Variants in MORC4 observed in about 807,000 individuals in gnomAD.
MORC4 encodes MORC family CW-type zinc finger protein 4.
In MORC4, 22 loss-of-function variants were observed where a neutral mutation model predicts 65.5. The ratio of observed to expected loss-of-function variants is 0.34; its 90% CI spans 0.24 to 0.48. The LOEUF is 0.48. Ranked by LOEUF, MORC4 falls within the 20% of genes least tolerant of loss-of-function variation. MORC4 has a pLI of 0.99. For missense variants in MORC4, 624 were observed against 703.0 expected, an observed-to-expected ratio of 0.89 and a Z score of 1.27; for synonymous variants, 267 against 255.8, an observed-to-expected ratio of 1.04 and a Z score of -0.42.
chrX:106,949,469 T>C (rs1402185753), intron 14 of MORC4, among the ~76,000 whole-genome samples: 1 of 112,362 alleles, frequency 8.9e-6, no homozygotes, highest in African/African-American at 3.2e-5. Context: ...TTCATAATTT[T>C]TGTTGACAAC....
intron 9 of MORC4, among the ~76,000 whole-genome samples, chrX:106,972,344 A>T (rs1934536714): frequency 9.0e-6 from 1 of 111,038 alleles, no homozygotes. Context: ...GAGGGATAAC[A>T]TTAGGAGAAA....
At chrX:106,969,937 A>T (rs1319457151) in intron 9 of MORC4, among the ~76,000 whole-genome samples, 1 of 111,910 alleles carries the variant, frequency 8.9e-6, no homozygotes, top group Non-Finnish European at 1.9e-5. Context: ...AAACTATTCC[A>T]ATCAATAGAA....
At chrX:106,978,798 C>G (rs931098438) in intron 7 of MORC4, among the ~76,000 whole-genome samples, 3 of 111,722 alleles carry the variant, frequency 2.7e-5, no homozygotes, top group African/African-American at 9.7e-5. Context: ...CAATACAAAT[C>G]TGTACAATTA....
intron 14 of MORC4, among the ~76,000 whole-genome samples, chrX:106,954,697 C>A (rs756196460): frequency 8.9e-6 from 1 of 112,217 alleles, no homozygotes; most frequent in Admixed American, 9.4e-5. Context: ...AGCAAATGAT[C>A]ACCTCAAAAT....
intron 10 of MORC4, among the ~76,000 whole-genome samples, chrX:106,959,759 C>G (rs1033896246): frequency 1.8e-5 from 2 of 111,670 alleles, no homozygotes; most frequent in Non-Finnish European, 1.9e-5. Context: ...AGGCTGGTCT[C>G]AAACTCCTGA....
At chrX:106,977,134 A>T (rs2147819096) in intron 8 of MORC4, among the ~76,000 whole-genome samples, 1 of 111,966 alleles carries the variant, frequency 8.9e-6, no homozygotes, top group Non-Finnish European at 1.9e-5. Flanking sequence ...AAAATAAACA[A>T]TTTTCCCACA....
chrX:106,949,628 T>C (rs1338309103), intron 14 of MORC4, among the ~76,000 whole-genome samples: 1 of 112,787 alleles, frequency 8.9e-6, no homozygotes, highest in South Asian at 3.6e-4. Context: ...GCCTCTGATG[T>C]ACTTGTTCAG....
At position 106,955,070 on chromosome X, in the gene MORC4, T is replaced by C. The variant is rs145964427; in HGVS notation, c.1528A>G (p.Lys510Glu). 1 of 1,194,851 alleles carries C rather than the reference T, an allele frequency of 8.4e-7. No individual in the cohort carries two copies. Among genetic ancestry groups the C allele is most frequent in the East Asian group, 3.0e-5 (1 of 33,548 alleles). The change falls in exon 14 of 17, where the codon AAG becomes GAG. Residue 510 changes from lysine to glutamate, a missense_variant. By Grantham distance (56) the Lys-to-Glu change is moderately conservative. Transcript: ENST00000355610. ...GCCATTTCTTGAACAGTAAGGATCTTTGGTGGATTACTGAATACCTATAAA... is the reference window on the plus strand; with the variant it reads ...GCCATTTCTTGAACAGTAAGGATCTCTGGTGGATTACTGAATACCTATAAA... The part of the protein sequence containing the change: ...ENHQVFSNPP[K>E]ILTVQEMAGL...
chrX:106,997,133 C>A (rs1285647764), intron 2 of MORC4, among the ~76,000 whole-genome samples: 1 of 112,188 alleles, frequency 8.9e-6, no homozygotes, highest in East Asian at 2.8e-4. Flanking sequence ...CAAGCCTATT[C>A]TTCCTTTGTT....
intron 9 of MORC4, among the ~76,000 whole-genome samples, chrX:106,967,309 AG>A (rs1934399874): frequency 8.9e-6 from 1 of 112,066 alleles, no homozygotes; most frequent in Admixed American, 9.4e-5. Flanking sequence ...ATCCGTAGGT[AG>A]GTCCCCAACA....
chrX:106,982,805 C>T (rs1404747186), intron 5 of MORC4, among the ~76,000 whole-genome samples: 1 of 111,799 alleles, frequency 8.9e-6, no homozygotes, highest in African/African-American at 3.3e-5. Flanking sequence ...ATACTTCATA[C>T]TATATTGCTC....
rs1934726327 is a variant in MORC4 at position 106,980,898 on chromosome X, G to A, written c.929C>T (p.Thr310Ile). The change falls in exon 7 of 17, where the codon ACC becomes ATC. Residue 310 changes from threonine (T) to isoleucine (I), a missense_variant. Coordinates refer to ENST00000355610, the MANE Select transcript of MORC4 (RefSeq NM_024657.5). ...ANVEYDTYKP[T>I]FTNKQVRITF... ...GTACACTTGTAAGGATACTGTGAAG[G>A]TAGGTTTATATGTATCATATTCTAC... The A allele has an allele frequency of 8.3e-7, 1 of 1,205,694 alleles. No homozygotes were observed. Among genetic ancestry groups the A allele is most frequent in the Non-Finnish European group, 1.1e-6 (1 of 890,221 alleles).
intron 2 of MORC4, among the ~76,000 whole-genome samples, chrX:106,994,111 T>C (rs987903349): frequency 3.6e-5 from 4 of 112,671 alleles, no homozygotes; most frequent in Non-Finnish European, 7.5e-5. Flanking sequence ...ATTTATGTCT[T>C]CACAATGAGT....
intron 5 of MORC4, among the ~76,000 whole-genome samples, chrX:106,984,055 T>G (rs937770855): frequency 9.0e-6 from 1 of 110,868 alleles, no homozygotes; most frequent in Non-Finnish European, 1.9e-5. Flanking sequence ...GAGGCTGGGG[T>G]GGGTGGATCA....
intron 3 of MORC4, among the ~76,000 whole-genome samples, chrX:106,991,222 T>C (rs896705042): frequency 3.6e-5 from 4 of 111,835 alleles, no homozygotes; most frequent in African/African-American, 1.3e-4. Context: ...TAGATCCCTG[T>C]TATACGTTCT....
In MORC4 at chrX:106,942,625, C is replaced by T; in HGVS notation, c.2266G>A (p.Glu756Lys). ...GEKARGYEES[E>K]GHNTPKLKNQ... ...TTCAACTTTGGTGTATTATGACCTT[C>T]GCTCTCCTCATAGCCTCTTGCTTTC... The change falls in exon 15 of 17, where the codon GAA becomes AAA. Residue 756 changes from glutamate (E) to lysine (K), a missense_variant. By Grantham distance (56) the Glu-to-Lys change is moderately conservative. Transcript: ENST00000355610. The T allele has an allele frequency of 1.7e-6, 2 of 1,211,432 alleles. No individual in the cohort carries two copies. The highest frequency in any genetic ancestry group is 3.0e-5 in the East Asian group (1 of 33,830).
chrX:106,993,519 A>G (rs1420549569), intron 2 of MORC4, among the ~76,000 whole-genome samples, 157 bp from the exon 3 acceptor site: 1 of 112,264 alleles, frequency 8.9e-6, no homozygotes, highest in Non-Finnish European at 1.9e-5. Flanking sequence ...TGCACTTACT[A>G]AATTATAGAG....
At chrX:106,986,269 G>A in intron 3 of MORC4, 69 bp from the exon 4 acceptor site, 1 of 797,163 alleles carries the variant, frequency 1.3e-6, no homozygotes, top group South Asian at 2.8e-5. Context: ...TCCTAAGATA[G>A]GTGACAGGCA....
rs193082361 is a variant in MORC4 at position 106,982,599 on chromosome X, C to G, written c.675-1122G>C. ...CATTCCCCATCTAAGGAAAAAAGGT[C>G]TGTAGAAACATTTTCTTAGAGACAG... On this transcript the variant is annotated intron_variant, in intron 5 of 16. Transcript: ENST00000355610. Among the ~76,000 whole-genome samples, 310 of 111,476 alleles carry G rather than the reference C, an allele frequency of 2.8e-3. 3 individuals are homozygous for G. Among genetic ancestry groups the G allele is most frequent in the African/African-American group, 9.9e-3 (303 of 30,638 alleles).
Sources: gnomAD v4.1 joint callset for allele counts (sites outside exome capture counted in the v4.1 genomes callset) on GRCh38, gnomAD v4.1.1 for gene constraint, MANE v1.5 for transcripts, NCBI Gene and HGNC (gene_info 2026-07-23, HGNC 2026-07-21) for gene names.